The following AFAP1L2 variants were observed in gnomAD, a reference collection of about 807,000 sequenced individuals.
AFAP1L2 encodes actin filament associated protein 1 like 2.
AFAP1L2 carries 46 observed loss-of-function variants against 99.3 expected under a neutral mutation model. The ratio of observed to expected loss-of-function variants is 0.46; its 90% CI spans 0.37 to 0.59. The LOEUF (loss-of-function observed/expected upper bound fraction) is 0.59, where lower values mean the gene tolerates loss of function less well. Ranked by LOEUF, AFAP1L2 falls within the 20% of genes least tolerant of loss-of-function variation. The pLI is 0.00. For synonymous variants in AFAP1L2, 397 were observed against 419.1 expected (o/e 0.95, Z 0.64); for missense variants, 959 against 1,034.9 (o/e 0.93, Z 1.01).
intron 1 of AFAP1L2, among the ~76,000 whole-genome samples, chr10:114,385,656 C>T (rs1440952080): frequency 2.0e-5 from 3 of 152,130 alleles, no homozygotes; most frequent in African/African-American, 7.2e-5. Context: ...CCTGCCCCCA[C>T]ACCCCATTGT....
chr10:114,297,963 G>A (rs1226084374), intron 16 of AFAP1L2, among the ~76,000 whole-genome samples: 1 of 152,320 alleles, frequency 6.6e-6, no homozygotes, highest in East Asian at 1.9e-4. Context: ...GTACCACATA[G>A]AGTCCTGAGC....
chr10:114,359,554 C>T (rs1368486561), intron 1 of AFAP1L2, among the ~76,000 whole-genome samples: 2 of 152,178 alleles, frequency 1.3e-5, no homozygotes, highest in Non-Finnish European at 2.9e-5. Flanking sequence ...CAGTTCTGCT[C>T]ATCAGAATGA....
chr10:114,361,214 G>C (rs1443708542), intron 1 of AFAP1L2, among the ~76,000 whole-genome samples: 1 of 152,062 alleles, frequency 6.6e-6, no homozygotes, highest in South Asian at 2.1e-4. Context: ...ACAACACGTG[G>C]GAATTCAAGA....
chr10:114,355,547 T>TA (rs35455768), intron 1 of AFAP1L2, among the ~76,000 whole-genome samples: 14,410 of 143,678 alleles, frequency 0.1, 1,794 homozygotes, highest in African/African-American at 0.3. Flanking sequence ...ACTGGTAGCT[T>TA]AAAAAAAAAA....
chr10:114,374,038 T>C (rs1373672699), intron 1 of AFAP1L2, among the ~76,000 whole-genome samples: 1 of 152,100 alleles, frequency 6.6e-6, no homozygotes, highest in African/African-American at 2.4e-5. Flanking sequence ...TTCTGTGTCA[T>C]ATCAGAGTGA....
chr10:114,284,125 A>C, the AFAP1L2 span, among the ~76,000 whole-genome samples: 5 of 152,230 alleles, frequency 3.3e-5, no homozygotes, highest in Non-Finnish European at 7.3e-5. Flanking sequence ...GACCACAGGG[A>C]ATCATAGATC....
chr10:114,307,734 T>G, intron 10 of AFAP1L2, 71 bp downstream of exon 10: 29 of 1,344,558 alleles, frequency 2.2e-5, no homozygotes, highest in Middle Eastern at 4.3e-4. Context: ...CTTCGCTGTC[T>G]GAGCTCGCCT....
intron 11 of AFAP1L2, 86 bp downstream of exon 11, chr10:114,304,633 T>G: frequency 8.0e-6 from 10 of 1,245,974 alleles, no homozygotes; most frequent in Non-Finnish European, 1.1e-5. Flanking sequence ...TCTCCCTTAG[T>G]AGCATTACAG....
At chr10:114,359,907 AAGG>A (rs2051981504) in intron 1 of AFAP1L2, among the ~76,000 whole-genome samples, 1 of 24,356 alleles carries the variant, frequency 4.1e-5, no homozygotes, top group Non-Finnish European at 1.3e-4. Flanking sequence ...GTCCTTCACC[AAGG>A]ACATATATGT....
chr10:114,314,340 C>A (rs902224092), intron 6 of AFAP1L2, among the ~76,000 whole-genome samples: 1 of 152,220 alleles, frequency 6.6e-6, no homozygotes, highest in Non-Finnish European at 1.5e-5. Flanking sequence ...TTGCCCCAGG[C>A]CTGGAGGGCC....
the AFAP1L2 span, chr10:114,285,998 G>T: frequency 6.2e-7 from 1 of 1,613,888 alleles, no homozygotes; most frequent in South Asian, 1.1e-5. Flanking sequence ...CAGCTCTGCG[G>T]GCACCACTCT....
At chr10:114,401,515 C>T (rs769399511) in intron 1 of AFAP1L2, among the ~76,000 whole-genome samples, 3 of 152,236 alleles carry the variant, frequency 2.0e-5, no homozygotes, top group Admixed American at 6.5e-5. Context: ...GAGAGCCTTA[C>T]TGCTTATACA....
chr10:114,362,023 T>G (rs538135726), intron 1 of AFAP1L2, among the ~76,000 whole-genome samples: 1 of 152,322 alleles, frequency 6.6e-6, no homozygotes, highest in Admixed American at 6.5e-5. Flanking sequence ...GGACCCTGTA[T>G]AGTGGAGAGA....
At chr10:114,286,162 C>CT in the AFAP1L2 span, 1 of 1,614,074 alleles carries the variant, frequency 6.2e-7, no homozygotes, top group East Asian at 2.2e-5. Flanking sequence ...CTGACCTGGT[C>CT]TGGAGCCTCG....
chr10:114,300,855 G>A (rs1182196064), intron 13 of AFAP1L2, among the ~76,000 whole-genome samples, 165 bp from the exon 14 acceptor site: 3 of 152,106 alleles, frequency 2.0e-5, no homozygotes, highest in Non-Finnish European at 2.9e-5. Flanking sequence ...TATGTCACTC[G>A]AGGTGGAAGA....
Position 114,295,955 on chromosome 10 carries a change from A to C in AFAP1L2, c.*87T>G. 1 of 1,611,292 alleles carries C rather than the reference A, an allele frequency of 6.2e-7. No homozygotes were observed. Among genetic ancestry groups the C allele is most frequent in the East Asian group, 2.2e-5 (1 of 44,820 alleles). On this transcript the variant is annotated 3_prime_UTR_variant, in exon 19 of 19. Coordinates refer to ENST00000304129, the MANE Select transcript of AFAP1L2 (RefSeq NM_001001936.3). ...TTTGCTTTTTCTTCTAAACAGACTC[A>C]CCCTTTCGCATAGTTTTTGCTTTAA...
intron 1 of AFAP1L2, among the ~76,000 whole-genome samples, chr10:114,345,678 C>T (rs1227454569): frequency 2.0e-5 from 3 of 152,254 alleles, no homozygotes; most frequent in Non-Finnish European, 4.4e-5. Context: ...GTTCAAAGCA[C>T]TTGTGTCTGC....
chr10:114,340,630 G>C lies in AFAP1L2; in HGVS notation c.118C>G (p.Leu40Val). The change falls in exon 2 of 19, where the codon CTC becomes GTC. Residue 40 changes from leucine to valine, a missense_variant. Physicochemically the swap from Leu to Val is conservative, Grantham distance 32 (BLOSUM62 1). This residue lies in a region of AFAP1L2 where 383 missense variants were observed against 472.8 expected (regional missense o/e 0.81). Coordinates refer to ENST00000304129, the MANE Select transcript of AFAP1L2 (RefSeq NM_001001936.3). ...ALVKKSCLAE[L>V]LRLYTKSSSS... ...CTGCTTTTGGTGTAAAGCCGGAGGA[G>C]CTCCGCCAGGCAGCTCTTCTTCACC... 1 of 1,614,232 alleles carries C rather than the reference G, an allele frequency of 6.2e-7. No individual in the cohort carries two copies. The highest frequency in any genetic ancestry group is 8.5e-7 in the Non-Finnish European group (1 of 1,180,044).
chr10:114,310,291 C>T, intron 8 of AFAP1L2, 63 bp downstream of exon 8: 1 of 1,523,798 alleles, frequency 6.6e-7, no homozygotes, highest in Admixed American at 2.2e-5. Context: ...CAATTTTGCA[C>T]TTTTAATTTT....
Sources: gnomAD v4.1 joint callset for allele counts (sites outside exome capture counted in the v4.1 genomes callset) on GRCh38, gnomAD v4.1.1 for gene constraint, gnomAD v4.1.1 regional missense constraint, MANE v1.5 for transcripts, NCBI Gene and HGNC (gene_info 2026-07-23, HGNC 2026-07-21) for gene names.